The following DENND1A variants were observed in gnomAD, a reference collection of about 807,000 sequenced individuals.
DENND1A encodes the protein DENN domain containing 1A.
DENND1A carries 51 observed loss-of-function variants against 113.7 expected under a neutral mutation model. The observed-to-expected ratio is 0.45, with a 90% confidence interval of 0.36 to 0.57. The LOEUF is 0.57. Ranked by LOEUF, DENND1A falls within the 20% of genes least tolerant of loss-of-function variation. The pLI is 0.00. For missense variants in DENND1A, 1,258 were observed against 1,395.9 expected (o/e 0.90, Z 1.57); for synonymous variants, 565 against 570.8 (o/e 0.99, Z 0.14).
At chr9:123,858,273 A>G (rs648512) in intron 2 of DENND1A, among the ~76,000 whole-genome samples, 44,221 of 152,068 alleles carry the variant, frequency 0.29, 10,241 homozygotes, top group African/African-American at 0.65. Context: ...AGTAGTCGAC[A>G]TAGTCGACTG....
chr9:123,439,773 A>T (rs534896730), intron 19 of DENND1A: 1 of 152,280 alleles, frequency 6.6e-6, no homozygotes, highest in African/African-American at 2.4e-5. Context: ...GGGATACAAA[A>T]TTTTAGTTTC....
chr9:123,718,361 C>T (rs752327752), intron 5 of DENND1A, among the ~76,000 whole-genome samples: 9 of 152,148 alleles, frequency 5.9e-5, no homozygotes, highest in Non-Finnish European at 1.0e-4. Context: ...CCATAAAGGC[C>T]TAATTAATGA....
chr9:123,903,331 C>CAAAAAAA lies in DENND1A; in HGVS notation c.18-24317_18-24311dup, dbSNP rs869154918. 3.9e-3 allele frequency among the ~76,000 whole-genome samples: 106 copies of CAAAAAAA among 27,004 alleles called. 8 individuals are homozygous for CAAAAAAA. The highest frequency in any genetic ancestry group is 9.1e-3 in the African/African-American group (78 of 8,604). 17.7% of individuals were successfully genotyped at this position (27,004 alleles called of 152,430 possible). A position where few individuals can be genotyped will look rare whatever the true frequency, so the allele number is the denominator to read the frequency against. On this transcript the variant is annotated intron_variant, in intron 1 of 23. Coordinates refer to ENST00000394215, the MANE Select transcript of DENND1A (RefSeq NM_001352964.2). Reference sequence around the variant, plus strand: ...TGGGCGACAGAGCGAGACTCCGTCTCAAAAAAAAAAAAAAAAAAAAAAAAA... The same window carrying CAAAAAAA: ...TGGGCGACAGAGCGAGACTCCGTCTCAAAAAAAAAAAAAAAAAAAAAAAAAAAAAAAA...
chr9:123,540,482 G>T (rs574956871), intron 13 of DENND1A, among the ~76,000 whole-genome samples: 1 of 152,174 alleles, frequency 6.6e-6, no homozygotes, highest in African/African-American at 2.4e-5. Flanking sequence ...GTCTTGGTGA[G>T]TCCTAAAGAT....
rs139739081 is a variant in DENND1A, at chr9:123,820,440, T to C, written c.89-27810A>G. On this transcript the variant is annotated intron_variant, in intron 2 of 23. Transcript: ENST00000394215. ...GAATGCAGAGAGGCCACATGGACAA[T>C]GAAAGGCCCAGACCAGAGTCCTACT... Among the ~76,000 whole-genome samples the C allele has an allele frequency of 4.9e-3, 750 of 152,320 alleles. 4 individuals are homozygous for C. The highest frequency in any genetic ancestry group is 0.017 in the African/African-American group (723 of 41,566).
rs111758082 is a variant in DENND1A, at chr9:123,625,034, C to G, written c.719+5342G>C. ...CAGAAATCCTCTCCCGCCTCCCCATCACGGGTCTCTGTTAAACATTTTGGT... is the reference window on the plus strand; with the variant it reads ...CAGAAATCCTCTCCCGCCTCCCCATGACGGGTCTCTGTTAAACATTTTGGT... On this transcript the variant is annotated intron_variant, in intron 10 of 23. Coordinates refer to ENST00000394215, the MANE Select transcript of DENND1A (RefSeq NM_001352964.2). Among the ~76,000 whole-genome samples, 10 of 152,308 alleles carry G rather than the reference C, an allele frequency of 6.6e-5. 1 individual carries two copies. The highest frequency in any genetic ancestry group is 2.4e-4 in the African/African-American group (10 of 41,586).
At chr9:123,651,988 G>T in intron 9 of DENND1A, 25 bp downstream of exon 9, 3 of 1,572,262 alleles carry the variant, frequency 1.9e-6, no homozygotes, top group East Asian at 2.3e-5. Context: ...TCATTAAAAA[G>T]CCAGTCTTAA....
chr9:123,586,637 C>T (rs952655045), intron 11 of DENND1A, among the ~76,000 whole-genome samples: 6 of 152,192 alleles, frequency 3.9e-5, no homozygotes, highest in African/African-American at 1.4e-4. Flanking sequence ...GACTCAAGGG[C>T]CTTCCTGAAG....
chr9:123,893,742 C>G (rs1391138958), intron 1 of DENND1A, among the ~76,000 whole-genome samples: 7 of 152,266 alleles, frequency 4.6e-5, no homozygotes, highest in Admixed American at 2.6e-4. Context: ...AGACAAATAT[C>G]TAGTAAGTGG....
At chr9:123,452,078 T>C (rs1433333174) in intron 17 of DENND1A, among the ~76,000 whole-genome samples, 198 bp downstream of exon 17, 1 of 150,068 alleles carries the variant, frequency 6.7e-6, no homozygotes, top group Non-Finnish European at 1.5e-5. Flanking sequence ...CCTGTAGTCC[T>C]AGCTACTGGG....
intron 15 of DENND1A, among the ~76,000 whole-genome samples, chr9:123,455,848 A>T (rs2048078361): frequency 6.6e-6 from 1 of 152,230 alleles, no homozygotes; most frequent in Admixed American, 6.5e-5. Context: ...ACTCCAGCCC[A>T]GCCTCCTTTG....
chr9:123,674,389 CA>C, intron 6 of DENND1A, among the ~76,000 whole-genome samples: 1 of 145,170 alleles, frequency 6.9e-6, no homozygotes, highest in South Asian at 2.2e-4. Context: ...CACACACACA[CA>C]CACAATAGAA....
intron 8 of DENND1A, chr9:123,652,420 T>TAC: frequency 3.9e-6 from 1 of 253,248 alleles, no homozygotes; most frequent in Non-Finnish European, 7.7e-6. Context: ...ACAGGAATTC[T>TAC]ACATATCTTA....
chr9:123,414,760 TC>T (rs2044589108), intron 19 of DENND1A, among the ~76,000 whole-genome samples: 1 of 152,190 alleles, frequency 6.6e-6, no homozygotes, highest in South Asian at 2.1e-4. Flanking sequence ...TCTGAAGTGT[TC>T]AAAGCCCTCC....
At chr9:123,523,410 C>T (rs779070296) in intron 13 of DENND1A, among the ~76,000 whole-genome samples, 23 of 152,176 alleles carry the variant, frequency 1.5e-4, no homozygotes, top group Non-Finnish European at 3.2e-4. Flanking sequence ...AAATCGTTGA[C>T]TTGCTTTTAC....
rs1044697603 is a variant in DENND1A, at chr9:123,756,374, TAAAAAG to T, written c.302+1323_302+1328del. ...CAAAACTGAAAGAGAAATTTTTCTT[TAAAAAG>T]AAAAAGACTGCACTGTTCAATCCAA... is the stretch of plus-strand genomic sequence containing the variant. On this transcript the variant is annotated intron_variant, in intron 5 of 23. Transcript: ENST00000394215. Among the ~76,000 whole-genome samples the T allele has an allele frequency of 2.8e-4, 43 of 152,236 alleles. 1 individual carries two copies. The highest frequency in any genetic ancestry group is 9.6e-4 in the African/African-American group (40 of 41,534).
At chr9:123,870,523 G>A (rs1846414820) in intron 2 of DENND1A, among the ~76,000 whole-genome samples, 2 of 148,094 alleles carry the variant, frequency 1.4e-5, no homozygotes, top group Non-Finnish European at 3.0e-5. Context: ...TGCAATCTCT[G>A]CCTCCCAGGT....
chr9:123,407,608 G>C (rs1215551883), intron 20 of DENND1A, among the ~76,000 whole-genome samples: 1 of 152,146 alleles, frequency 6.6e-6, no homozygotes, highest in Non-Finnish European at 1.5e-5. Context: ...AGGAAGGGTG[G>C]GTACTGGTGA....
At chr9:123,926,606 A>G (rs1034484564) in intron 1 of DENND1A, among the ~76,000 whole-genome samples, 1 of 151,510 alleles carries the variant, frequency 6.6e-6, no homozygotes, top group African/African-American at 2.4e-5. Flanking sequence ...TAATCTAGTA[A>G]AAGGCCTGCG....
Sources: allele counts gnomAD v4.1 joint callset (sites outside exome capture counted in the v4.1 genomes callset), GRCh38; gene constraint gnomAD v4.1.1; transcripts MANE v1.5; gene names NCBI Gene and HGNC (gene_info 2026-07-23, HGNC 2026-07-21).